Variants in LSAMP observed in about 807,000 individuals in gnomAD.
The protein encoded by LSAMP is limbic system associated membrane protein, also known as limbic system-associated membrane protein.
Under a neutral mutation model 38.6 loss-of-function variants are expected in LSAMP, and 7 were observed. The observed-to-expected ratio is 0.18, with a 90% CI of 0.10 to 0.34. The LOEUF (loss-of-function observed/expected upper bound fraction) is 0.34. Among genes scored for constraint, LSAMP ranks in the 10% least tolerant of loss-of-function variants. The pLI, the probability that LSAMP is intolerant of heterozygous loss-of-function variation, is 1.00. For missense variants in LSAMP, 313 were observed against 420.0 expected (o/e 0.75, Z 2.23); for synonymous variants, 154 against 166.8 (o/e 0.92, Z 0.59).
chr3:116,040,714 G>C (rs1308484338), intron 2 of LSAMP, among the ~76,000 whole-genome samples: 1 of 152,168 alleles, frequency 6.6e-6, no homozygotes, highest in Non-Finnish European at 1.5e-5. Flanking sequence ...GAAGTGGCTA[G>C]AGTAAATGAG....
At chr3:116,113,551 A>C (rs1368268302) in intron 1 of LSAMP, among the ~76,000 whole-genome samples, 4 of 144,404 alleles carry the variant, frequency 2.8e-5, no homozygotes, top group Non-Finnish European at 6.0e-5. Flanking sequence ...TCAGCCTCCC[A>C]AGTAGCTGGG....
chr3:115,919,558 C>A (rs1365910581), intron 3 of LSAMP, among the ~76,000 whole-genome samples: 2 of 152,104 alleles, frequency 1.3e-5, no homozygotes, highest in Non-Finnish European at 2.9e-5. Context: ...TGAACATTAT[C>A]ATCTCTTGCT....
chr3:115,858,414 A>C (rs1013764318), intron 3 of LSAMP, among the ~76,000 whole-genome samples: 1 of 152,198 alleles, frequency 6.6e-6, no homozygotes, highest in Non-Finnish European at 1.5e-5. Context: ...AAAGAATACA[A>C]TTTAGGAAAC....
At chr3:116,060,198 GTT>G (rs55818433) in intron 2 of LSAMP, among the ~76,000 whole-genome samples, 7 of 142,012 alleles carry the variant, frequency 4.9e-5, no homozygotes, top group Middle Eastern at 3.6e-3. Context: ...AAGCAACATA[GTT>G]TTTTTTTTTT....
intron 1 of LSAMP, among the ~76,000 whole-genome samples, chr3:116,220,645 C>T (rs2046272678): frequency 1.3e-5 from 2 of 152,198 alleles, no homozygotes; most frequent in South Asian, 2.1e-4. Context: ...GCAATCATTA[C>T]GGATTCTCGA....
At chr3:116,382,669 A>T (rs565976898) in intron 1 of LSAMP, among the ~76,000 whole-genome samples, 13 of 152,094 alleles carry the variant, frequency 8.5e-5, no homozygotes, top group African/African-American at 2.9e-4. Flanking sequence ...ATAAAATAAA[A>T]TATTTACTAT....
chr3:116,001,764 C>G (rs947169397), intron 3 of LSAMP, among the ~76,000 whole-genome samples: 6 of 152,170 alleles, frequency 3.9e-5, no homozygotes, highest in African/African-American at 1.4e-4. Context: ...CTTCACATTC[C>G]CTTGGCACTC....
At chr3:116,180,962 A>G (rs779276466) in intron 1 of LSAMP, among the ~76,000 whole-genome samples, 4 of 152,068 alleles carry the variant, frequency 2.6e-5, no homozygotes, top group Non-Finnish European at 5.9e-5. Context: ...ACAGCAGCAT[A>G]TGAGTGCTGC....
chr3:116,279,460 G>T (rs2047097905), intron 1 of LSAMP, among the ~76,000 whole-genome samples: 1 of 152,116 alleles, frequency 6.6e-6, no homozygotes, highest in Non-Finnish European at 1.5e-5. Context: ...TCTAGTCTTT[G>T]ACTAAAGCCA....
intron 1 of LSAMP, among the ~76,000 whole-genome samples, chr3:116,142,834 G>A (rs1709402569): frequency 6.6e-6 from 1 of 151,786 alleles, no homozygotes. Context: ...CAGATTGAAG[G>A]TGATATCAGC....
intron 1 of LSAMP, among the ~76,000 whole-genome samples, chr3:116,159,486 T>G (rs142300497): frequency 1.3e-5 from 2 of 152,070 alleles, no homozygotes; most frequent in East Asian, 1.9e-4. Flanking sequence ...ATGTGGCCAA[T>G]AGGCATATTA....
At chr3:116,096,797 T>A (rs1226437510) in intron 1 of LSAMP, among the ~76,000 whole-genome samples, 1 of 152,030 alleles carries the variant, frequency 6.6e-6, no homozygotes. Flanking sequence ...ACCCTATGCT[T>A]TGAGGACTCT....
intron 1 of LSAMP, among the ~76,000 whole-genome samples, chr3:116,185,668 T>C (rs1220728270): frequency 1.3e-5 from 2 of 152,076 alleles, no homozygotes; most frequent in Non-Finnish European, 2.9e-5. Flanking sequence ...ACAGTTATCT[T>C]AACATATTCA....
At chr3:115,951,683 C>T (rs4621325) in intron 3 of LSAMP, among the ~76,000 whole-genome samples, 117,692 of 151,928 alleles carry the variant, frequency 0.77, 48,753 homozygotes, top group East Asian at 0.98. Context: ...AGTCTTCTGG[C>T]CTACATTTTT....
At chr3:116,113,817 ACTC>A (rs1708684858) in intron 1 of LSAMP, among the ~76,000 whole-genome samples, 2 of 152,162 alleles carry the variant, frequency 1.3e-5, no homozygotes, top group South Asian at 2.1e-4. Flanking sequence ...TATATTTACT[ACTC>A]ACAAAAACAA....
chr3:116,248,477 ATGTGTGTGTG>A (rs3028670), intron 1 of LSAMP, among the ~76,000 whole-genome samples: 16,371 of 140,680 alleles, frequency 0.12, 1,338 homozygotes, highest in African/African-American at 0.2. Flanking sequence ...CCTGTCTCTA[ATGTGTGTGTG>A]TGTGTGTGTG....
intron 1 of LSAMP, among the ~76,000 whole-genome samples, chr3:116,207,174 C>G (rs1259868817): frequency 1.3e-5 from 2 of 151,374 alleles, no homozygotes; most frequent in African/African-American, 2.4e-5. Flanking sequence ...TTCTTTGTCT[C>G]TTTTGATCTT....
chr3:116,381,206 T>G (rs2048553823), intron 1 of LSAMP, among the ~76,000 whole-genome samples: 1 of 152,128 alleles, frequency 6.6e-6, no homozygotes, highest in South Asian at 2.1e-4. Flanking sequence ...TTGTCTCTTC[T>G]GACTAAAAAT....
chr3:115,858,037 T>C (rs1935560552), intron 3 of LSAMP, among the ~76,000 whole-genome samples: 1 of 152,168 alleles, frequency 6.6e-6, no homozygotes, highest in African/African-American at 2.4e-5. Flanking sequence ...ACCAGGCATT[T>C]GTAAAAAGGA....
Sources: gnomAD v4.1 joint callset for allele counts (sites outside exome capture counted in the v4.1 genomes callset) on GRCh38, gnomAD v4.1.1 for gene constraint, MANE v1.5 for transcripts, NCBI Gene and HGNC (gene_info 2026-07-23, HGNC 2026-07-21) for gene names.